The following SPECC1 variants were observed in gnomAD, a reference collection of about 807,000 sequenced individuals.
SPECC1 encodes the protein sperm antigen with calponin homology and coiled-coil domains 1.
In SPECC1, 62 loss-of-function variants were observed where a neutral mutation model predicts 104.1. The ratio of observed to expected loss-of-function variants is 0.60; its 90% confidence interval spans 0.49 to 0.74. The LOEUF (loss-of-function observed/expected upper bound fraction) is 0.74. Among genes scored for constraint, SPECC1 ranks in the 30% least tolerant of loss-of-function variants. The pLI, the probability that SPECC1 is intolerant of heterozygous loss-of-function variation, is 0.00. For missense variants in SPECC1, 1,306 were observed against 1,310.5 expected, an observed-to-expected ratio of 1.00 and a Z score of 0.05; for synonymous variants, 513 against 501.6, an observed-to-expected ratio of 1.02 and a Z score of -0.30.
intron 3 of SPECC1, chr17:20,112,518 T>C: frequency 1.3e-6 from 1 of 772,796 alleles, no homozygotes; most frequent in South Asian, 1.4e-5. Flanking sequence ...CTTTCTCATT[T>C]GGACCTTTGA....
intron 3 of SPECC1, among the ~76,000 whole-genome samples, chr17:20,139,282 T>G (rs560395985): frequency 3.9e-5 from 6 of 152,342 alleles, no homozygotes; most frequent in Admixed American, 3.9e-4. Context: ...GGATCCCAAC[T>G]TGCCCGTTGT....
At chr17:20,072,790 G>A (rs2046607933) in intron 1 of SPECC1, among the ~76,000 whole-genome samples, 1 of 152,314 alleles carries the variant, frequency 6.6e-6, no homozygotes, top group South Asian at 2.1e-4. Flanking sequence ...CAGTAAAATA[G>A]CAATTAAAAT....
rs548050925 is a variant in SPECC1 at position 20,268,064 on chromosome 17, A to G, written c.2940+7770A>G. ...AAGTATCTTTTAGACGAAAATATAT[A>G]CCGGTATTTACTGTTACTTGAATTC... On this transcript the variant is annotated intron_variant, in intron 12 of 14. Coordinates refer to ENST00000395527, the MANE Select transcript of SPECC1 (RefSeq NM_001243439.2). Among the ~76,000 whole-genome samples, 413 of 152,172 alleles carry G rather than the reference A, an allele frequency of 2.7e-3. 2 individuals carry two copies. The highest frequency in any genetic ancestry group is 6.0e-3 in the Admixed American group (92 of 15,294).
chr17:20,018,799 G>A (rs1013801673), intron 1 of SPECC1, among the ~76,000 whole-genome samples: 4 of 152,202 alleles, frequency 2.6e-5, no homozygotes, highest in Non-Finnish European at 5.9e-5. Flanking sequence ...AACTCCCCGA[G>A]GAAGGAGCTG....
At chr17:20,081,208 A>G (rs972257740) in intron 1 of SPECC1, among the ~76,000 whole-genome samples, 1 of 152,064 alleles carries the variant, frequency 6.6e-6, no homozygotes, top group Non-Finnish European at 1.5e-5. Context: ...ATAGTTCCCT[A>G]CACTGGATGG....
At chr17:20,078,950 C>G (rs192652252) in intron 1 of SPECC1, among the ~76,000 whole-genome samples, 1 of 152,246 alleles carries the variant, frequency 6.6e-6, no homozygotes, top group East Asian at 1.9e-4. Flanking sequence ...AGTAAATAAA[C>G]AGGCATTTTT....
chr17:20,179,843 C>T (rs1320791467), intron 3 of SPECC1, among the ~76,000 whole-genome samples: 1 of 152,174 alleles, frequency 6.6e-6, no homozygotes, highest in African/African-American at 2.4e-5. Context: ...AAGATATTAA[C>T]ACGGCTGAAG....
chr17:20,312,286 C>A (rs1283601516), intron 14 of SPECC1, among the ~76,000 whole-genome samples: 15 of 152,178 alleles, frequency 9.9e-5, no homozygotes, highest in Admixed American at 9.8e-4. Flanking sequence ...AAATGTCATG[C>A]ACTATAAGAT....
intron 3 of SPECC1, among the ~76,000 whole-genome samples, chr17:20,125,390 A>G (rs1036879830): frequency 1.3e-5 from 2 of 152,166 alleles, no homozygotes; most frequent in East Asian, 3.9e-4. Context: ...ATTTTCTTCT[A>G]TTTTATTCTA....
chr17:20,031,063 C>G (rs1464404266), intron 1 of SPECC1, among the ~76,000 whole-genome samples: 1 of 152,144 alleles, frequency 6.6e-6, no homozygotes, highest in Non-Finnish European at 1.5e-5. Flanking sequence ...GGCGCGATCT[C>G]GACTCACTGC....
At chr17:20,166,482 A>G (rs1295372324) in intron 3 of SPECC1, among the ~76,000 whole-genome samples, 1 of 152,226 alleles carries the variant, frequency 6.6e-6, no homozygotes, top group Non-Finnish European at 1.5e-5. Flanking sequence ...TTTTGAGTCA[A>G]ATAGGAATTG....
chr17:20,173,760 A>G (rs76833215), intron 3 of SPECC1, among the ~76,000 whole-genome samples: 3,881 of 152,326 alleles, frequency 0.025, 145 homozygotes, highest in East Asian at 0.085. Flanking sequence ...ACAGGACACA[A>G]ATTGGCAAAA....
chr17:20,068,396 A>G (rs1238274879), intron 1 of SPECC1, among the ~76,000 whole-genome samples: 1 of 152,204 alleles, frequency 6.6e-6, no homozygotes, highest in Non-Finnish European at 1.5e-5. Context: ...GCTGATGGCC[A>G]CTGGGTTTTT....
intron 12 of SPECC1, among the ~76,000 whole-genome samples, chr17:20,260,771 C>T (rs1192560390): frequency 3.3e-5 from 5 of 152,066 alleles, no homozygotes; most frequent in Admixed American, 3.3e-4. Flanking sequence ...TTTTATTAAG[C>T]AAAGTGCAGG....
At chr17:20,178,659 G>A (rs568137113) in intron 3 of SPECC1, among the ~76,000 whole-genome samples, 1 of 152,188 alleles carries the variant, frequency 6.6e-6, no homozygotes. Flanking sequence ...TTTTCTGGAA[G>A]GAGTGTCTTG....
chr17:20,044,475 C>G (rs1412299604), intron 1 of SPECC1, among the ~76,000 whole-genome samples: 1 of 152,138 alleles, frequency 6.6e-6, no homozygotes, highest in South Asian at 2.1e-4. Flanking sequence ...TTAAGTCAGT[C>G]AGTTGCTCAA....
At chr17:20,241,246 C>T (rs2039186367) in intron 7 of SPECC1, among the ~76,000 whole-genome samples, 1 of 152,182 alleles carries the variant, frequency 6.6e-6, no homozygotes, top group Non-Finnish European at 1.5e-5. Context: ...AACGCAGAGC[C>T]AGCTCTCTGG....
At chr17:20,120,534 A>G (rs1027792763) in intron 3 of SPECC1, among the ~76,000 whole-genome samples, 2 of 152,226 alleles carry the variant, frequency 1.3e-5, no homozygotes, top group African/African-American at 4.8e-5. Context: ...GGCAATATAT[A>G]GTTGATTTCC....
rs770923815 is a variant in SPECC1 at position 20,227,490 on chromosome 17, G to A, written c.1941G>A (p.Leu647=). ...AGCTGAGCAGAACCAGCCTAAAGCT[G>A]CAAGAAAAAGCATCAGAGAGTGATG... is the stretch of plus-strand genomic sequence containing the variant. ...AEQLSRTSLK[L]QEKASESDAE... The change falls in exon 5 of 15, where the codon CTG becomes CTA. Residue 647 remains leucine (L), a synonymous_variant. Coordinates refer to ENST00000395527, the MANE Select transcript of SPECC1 (RefSeq NM_001243439.2). 1.9e-6 allele frequency: 3 copies of A among 1,613,456 alleles called. No individual in the cohort carries two copies. Among genetic ancestry groups the A allele is most frequent in the South Asian group, 2.2e-5 (2 of 90,990 alleles).
Sources: allele counts gnomAD v4.1 joint callset (sites outside exome capture counted in the v4.1 genomes callset), GRCh38; gene constraint gnomAD v4.1.1; transcripts MANE v1.5; gene names NCBI Gene and HGNC (gene_info 2026-07-23, HGNC 2026-07-21).